MAST4: variants seen among roughly 807,000 people sequenced by gnomAD.
The protein encoded by MAST4 is microtubule-associated serine/threonine-protein kinase 4.
Under a neutral mutation model 162.7 loss-of-function variants are expected in MAST4, and 89 were observed. The ratio of observed to expected loss-of-function variants is 0.55; its 90% CI spans 0.46 to 0.65. MAST4 has a LOEUF of 0.65. Ranked by LOEUF, MAST4 falls within the 30% of genes least tolerant of loss-of-function variation. The probability of loss-of-function intolerance (pLI) is 0.00; values close to 1 mark genes in which losing one functional copy is unlikely to be tolerated. For synonymous variants in MAST4, 1,479 were observed against 1,361.1 expected, an observed-to-expected ratio of 1.09 and a Z score of -1.91; for missense variants, 3,153 against 3,374.0, an observed-to-expected ratio of 0.93 and a Z score of 1.62.
At chr5:67,112,915 C>A (rs988428005) in intron 11 of MAST4, among the ~76,000 whole-genome samples, 30 of 152,126 alleles carry the variant, frequency 2.0e-4, no homozygotes, top group African/African-American at 6.8e-4. Context: ...AAGCTCTCTT[C>A]CAGAGGCTAC....
intron 18 of MAST4, 41 bp from the exon 19 acceptor site, chr5:67,136,522 T>C: frequency 6.8e-7 from 1 of 1,478,540 alleles, no homozygotes; most frequent in Non-Finnish European, 9.3e-7. Context: ...CTGGACCCTC[T>C]TGTGAACAAT....
At chr5:67,161,703 T>C (rs1773201294) in intron 27 of MAST4, among the ~76,000 whole-genome samples, 1 of 152,236 alleles carries the variant, frequency 6.6e-6, no homozygotes, top group Non-Finnish European at 1.5e-5. Context: ...TCATTGTATG[T>C]TTATAGAAGT....
In MAST4 at chr5:67,162,725, A is replaced by T. The variant is rs759990469; in HGVS notation, c.3904A>T (p.Thr1302Ser). The change falls in exon 28 of 29, where the codon ACT becomes TCT. Residue 1302 changes from threonine to serine, a missense_variant. Transcript: ENST00000403625. ...SSGESLPGSP[T>S]HSLSPRSPTP... ...GGGTGAGAGCCTCCCAGGTTCCCCCACTCATAGCTTGTCTCCCCGGTCTCC... is the reference window on the plus strand; with the variant it reads ...GGGTGAGAGCCTCCCAGGTTCCCCCTCTCATAGCTTGTCTCCCCGGTCTCC... The T allele has an allele frequency of 2.5e-6, 4 of 1,613,524 alleles. No homozygotes were observed. In the South Asian group the frequency reaches 4.4e-5, roughly 18 times the overall value.
chr5:66,857,370 ATG>A (rs1759767904), intron 3 of MAST4, among the ~76,000 whole-genome samples: 1 of 152,212 alleles, frequency 6.6e-6, no homozygotes, highest in African/African-American at 2.4e-5. Context: ...GTGGACATCC[ATG>A]TGTGGATTGC....
intron 4 of MAST4, among the ~76,000 whole-genome samples, chr5:66,983,645 A>G (rs1164001558): frequency 6.6e-6 from 1 of 152,162 alleles, no homozygotes; most frequent in African/African-American, 2.4e-5. Context: ...AATAGTTTCT[A>G]CAAAACTGAG....
chr5:66,744,623 G>A (rs1301009272), intron 1 of MAST4, among the ~76,000 whole-genome samples: 1 of 152,174 alleles, frequency 6.6e-6, no homozygotes, highest in African/African-American at 2.4e-5. Flanking sequence ...TGAAGGGAAA[G>A]CAATGCATGT....
chr5:66,737,476 G>A (rs1752220383), intron 1 of MAST4, among the ~76,000 whole-genome samples: 1 of 152,024 alleles, frequency 6.6e-6, no homozygotes, highest in Non-Finnish European at 1.5e-5. Context: ...TCAAGGGGAG[G>A]GTACTACCTC....
At chr5:66,667,484 T>A (rs532983074) in intron 1 of MAST4, among the ~76,000 whole-genome samples, 1 of 152,364 alleles carries the variant, frequency 6.6e-6, no homozygotes, top group South Asian at 2.1e-4. Flanking sequence ...TGCTGCTTAT[T>A]ACATTTCTCT....
intron 1 of MAST4, among the ~76,000 whole-genome samples, chr5:66,627,839 T>C (rs1744539797): frequency 6.6e-6 from 1 of 152,126 alleles, no homozygotes; most frequent in Non-Finnish European, 1.5e-5. Context: ...TCCAGTTTCA[T>C]TGGGTTCACA....
intron 1 of MAST4, among the ~76,000 whole-genome samples, chr5:66,748,742 C>A (rs975029271): frequency 6.6e-6 from 1 of 151,938 alleles, no homozygotes; most frequent in Non-Finnish European, 1.5e-5. Flanking sequence ...CCTGCCTCGG[C>A]CTCCCAAAGT....
chr5:66,864,602 T>C (rs1760359631), intron 3 of MAST4, among the ~76,000 whole-genome samples: 1 of 152,070 alleles, frequency 6.6e-6, no homozygotes, highest in East Asian at 1.9e-4. Flanking sequence ...AGGCTATTGC[T>C]GAAGTCTGGA....
At position 67,164,198 on chromosome 5, in the gene MAST4, T is replaced by G. The variant is rs751062311; in HGVS notation, c.5019T>G (p.Leu1673=). The G allele has an allele frequency of 6.2e-7, 1 of 1,612,982 alleles. No individual in the cohort carries two copies. The highest frequency in any genetic ancestry group is 8.5e-7 in the Non-Finnish European group (1 of 1,179,510). ...GTEKSSQAKE[L]LRCEKLDSKL... is the part of the protein sequence containing the mutation. ...AGAAGTCCTCCCAGGCCAAGGAGCT[T>G]CTCCGATGTGAAAAGTTAGACAGCA... is the stretch of plus-strand genomic sequence containing the variant. The change falls in exon 29 of 29, where the codon CTT becomes CTG. Residue 1673 remains leucine, a synonymous_variant. Coordinates refer to ENST00000403625, the MANE Select transcript of MAST4 (RefSeq NM_001164664.2). The surrounding 1 kb of genome is among the most constrained non-coding windows in gnomAD (Gnocchi z 5.3).
intron 3 of MAST4, chr5:66,828,761 G>A (rs1042455146): frequency 2.6e-5 from 40 of 1,560,000 alleles, no homozygotes; most frequent in African/African-American, 1.5e-4. Flanking sequence ...AGCAGCTGCC[G>A]GGCTCTGAAT....
rs72761283 is a variant in MAST4 at position 66,874,406 on chromosome 5, G to A, written c.643-25545G>A. ...GTACAGAGGATTAGTTTTCAAATCT[G>A]GCATTTCAGCACAAAAGAATAATGA... On this transcript the variant is annotated intron_variant, in intron 3 of 28. Coordinates refer to ENST00000403625, the MANE Select transcript of MAST4 (RefSeq NM_001164664.2). Among the ~76,000 whole-genome samples the A allele has an allele frequency of 2.7e-3, 415 of 152,234 alleles. 2 individuals are homozygous for A. Among genetic ancestry groups the A allele is most frequent in the Non-Finnish European group, 5.0e-3 (337 of 68,026 alleles).
chr5:67,058,580 A>T (rs1205629136), intron 5 of MAST4, among the ~76,000 whole-genome samples: 1 of 152,246 alleles, frequency 6.6e-6, no homozygotes, highest in East Asian at 1.9e-4. Flanking sequence ...ACCCAGCACT[A>T]CATAGTTGTT....
chr5:66,607,958 A>G (rs1742999156), intron 1 of MAST4, among the ~76,000 whole-genome samples: 1 of 152,100 alleles, frequency 6.6e-6, no homozygotes, highest in Non-Finnish European at 1.5e-5. Flanking sequence ...ACAAAAATGT[A>G]TATATTTATG....
intron 3 of MAST4, among the ~76,000 whole-genome samples, chr5:66,813,647 A>C (rs1260520742): frequency 1.3e-5 from 2 of 152,242 alleles, no homozygotes; most frequent in Non-Finnish European, 2.9e-5. Context: ...CAAATGGGAA[A>C]AGCAGAAGAT....
chr5:67,120,099 A>G (rs943790237), intron 13 of MAST4, among the ~76,000 whole-genome samples: 11 of 152,238 alleles, frequency 7.2e-5, no homozygotes, highest in Non-Finnish European at 1.2e-4. Flanking sequence ...GCCAGAGGCC[A>G]AAGGGGAGCA....
At chr5:66,763,669 TG>T (rs1348008184) in intron 2 of MAST4, among the ~76,000 whole-genome samples, 1 of 152,210 alleles carries the variant, frequency 6.6e-6, no homozygotes, top group East Asian at 1.9e-4. Context: ...CATTGTTAAA[TG>T]GTCTCATAGT....
Sources: gnomAD v4.1 joint callset for allele counts (sites outside exome capture counted in the v4.1 genomes callset) on GRCh38, gnomAD v4.1.1 for gene constraint, Gnocchi (gnomAD v3.1) non-coding constraint, MANE v1.5 for transcripts, NCBI Gene and HGNC (gene_info 2026-07-23, HGNC 2026-07-21) for gene names.